The following HCN1 variants were observed in gnomAD, a reference collection of about 807,000 sequenced individuals.
HCN1 encodes hyperpolarization activated cyclic nucleotide gated potassium channel 1.
In HCN1, 13 loss-of-function variants were observed where a neutral mutation model predicts 78.9. The ratio of observed to expected loss-of-function variants is 0.16; its 90% CI spans 0.11 to 0.26. The LOEUF is 0.26. Among genes scored for constraint, HCN1 ranks in the 10% least tolerant of loss-of-function variants. HCN1 has a pLI of 1.00. For missense variants in HCN1, 810 were observed against 1,154.3 expected (o/e 0.70, Z 4.32); for synonymous variants, 552 against 455.5 (o/e 1.21, Z -2.70).
At chr5:45,424,611 ATAT>A (rs1740304360) in intron 3 of HCN1, among the ~76,000 whole-genome samples, 2 of 152,154 alleles carry the variant, frequency 1.3e-5, no homozygotes, top group African/African-American at 4.8e-5. Context: ...AAAATCACAA[ATAT>A]TATTAAATTA....
intron 2 of HCN1, among the ~76,000 whole-genome samples, chr5:45,472,633 G>A (rs1346776649): frequency 1.1e-5 from 1 of 88,464 alleles, no homozygotes; most frequent in Non-Finnish European, 2.2e-5. Context: ...GGAAAGGGGG[G>A]AGGGAGGGAG....
chr5:45,410,602 G>C (rs190180052), intron 3 of HCN1, among the ~76,000 whole-genome samples: 1 of 152,054 alleles, frequency 6.6e-6, no homozygotes, highest in East Asian at 1.9e-4. Flanking sequence ...CAGCAACAAC[G>C]CATGTTCCTC....
intron 6 of HCN1, among the ~76,000 whole-genome samples, chr5:45,295,626 G>T (rs1402787737): frequency 2.6e-5 from 4 of 152,000 alleles, no homozygotes; most frequent in Non-Finnish European, 5.9e-5. Flanking sequence ...AAACTTTTGA[G>T]TTTGATCTTT....
At chr5:45,277,792 C>T (rs976994636) in intron 6 of HCN1, among the ~76,000 whole-genome samples, 12 of 152,100 alleles carry the variant, frequency 7.9e-5, no homozygotes, top group East Asian at 3.9e-4. Flanking sequence ...AGAACTCTTT[C>T]GATGGGGATG....
At chr5:45,667,105 T>G (rs1201164426) in intron 1 of HCN1, among the ~76,000 whole-genome samples, 1 of 151,996 alleles carries the variant, frequency 6.6e-6, no homozygotes, top group Non-Finnish European at 1.5e-5. Flanking sequence ...GCCATGGAAC[T>G]CAGGCTGGGC....
intron 3 of HCN1, among the ~76,000 whole-genome samples, chr5:45,438,447 C>T (rs139535335): frequency 0.03 from 4,628 of 151,870 alleles, 275 homozygotes; most frequent in African/African-American, 0.1. Flanking sequence ...AAAAAATTAG[C>T]GGGCGTGGTG....
rs1443683701 is a variant in HCN1 at position 45,629,999 on chromosome 5, C to G, written c.849+15186G>C. 2.6e-5 allele frequency among the ~76,000 whole-genome samples: 4 copies of G among 152,132 alleles called. No individual in the cohort carries two copies. The East Asian group carries it at 5.9e-4, about 22-fold the overall frequency. On this transcript the variant is annotated intron_variant, in intron 2 of 7. Transcript: ENST00000303230. ...TAAAGATTAATTTATAGTTGATATA[C>G]CCCAGAGGCTGCTCTGAGGGAGTCC...
rs1054138130 is a variant in HCN1, at chr5:45,543,284, G to A, written c.850-81277C>T. On this transcript the variant is annotated intron_variant, in intron 2 of 7. Coordinates refer to ENST00000303230, the MANE Select transcript of HCN1 (RefSeq NM_021072.4). ...TTTCAGAATTAGGAAAATTAATTAC[G>A]ATCTATCTATAACATAGAAGGAGAT... is the stretch of plus-strand genomic sequence containing the variant. Among the ~76,000 whole-genome samples, 7 of 151,640 alleles carry A rather than the reference G, an allele frequency of 4.6e-5. No individual in the cohort carries two copies. In the East Asian group the frequency reaches 9.7e-4, roughly 21 times the overall value.
chr5:45,400,324 T>G (rs939773917), intron 3 of HCN1, among the ~76,000 whole-genome samples: 4 of 151,498 alleles, frequency 2.6e-5, no homozygotes, highest in African/African-American at 9.7e-5. Flanking sequence ...TTTATTTCAC[T>G]AGAGACACAA....
chr5:45,389,409 C>G (rs1747994486), intron 4 of HCN1, among the ~76,000 whole-genome samples: 1 of 152,264 alleles, frequency 6.6e-6, no homozygotes, highest in African/African-American at 2.4e-5. Flanking sequence ...TACATTTCCA[C>G]TCATAGCATT....
At position 45,645,532 on chromosome 5, in the gene HCN1, T is replaced by C; in HGVS notation, c.502A>G (p.Thr168Ala). Residue 168 changes from threonine to alanine, a missense_variant, in exon 2 of 8, where the codon ACA (threonine) becomes GCA (alanine). Coordinates refer to ENST00000303230, the MANE Select transcript of HCN1 (RefSeq NM_021072.4). The part of the protein sequence containing the change: ...VIIPVGITFF[T>A]EQTTTPWIIF... The stretch of plus-strand genomic sequence containing the variant: ...ATCCATGGTGTTGTTGTTTGCTCTG[T>C]AAAGAATGTGATTCCAACTGGTATG... 1 of 1,612,116 alleles carries C rather than the reference T, an allele frequency of 6.2e-7. No individual in the cohort carries two copies. The highest frequency in any genetic ancestry group is 1.1e-5 in the South Asian group (1 of 91,016).
At chr5:45,554,932 T>C (rs1743442001) in intron 2 of HCN1, among the ~76,000 whole-genome samples, 1 of 151,890 alleles carries the variant, frequency 6.6e-6, no homozygotes, top group Non-Finnish European at 1.5e-5. Context: ...GCATAAAATG[T>C]AAATAAGAGA....
intron 6 of HCN1, among the ~76,000 whole-genome samples, chr5:45,279,281 T>A (rs1745117307): frequency 6.6e-6 from 1 of 152,060 alleles, no homozygotes; most frequent in Admixed American, 6.6e-5. Context: ...CACCAGGAAA[T>A]CCTCCCACCA....
At chr5:45,684,928 G>A (rs1160786162) in intron 1 of HCN1, among the ~76,000 whole-genome samples, 1 of 152,102 alleles carries the variant, frequency 6.6e-6, no homozygotes, top group Non-Finnish European at 1.5e-5. Context: ...CTCTGCTCAT[G>A]TTCCTCAAAC....
chr5:45,463,989 G>A (rs1741218732), intron 2 of HCN1, among the ~76,000 whole-genome samples: 1 of 152,062 alleles, frequency 6.6e-6, no homozygotes. Flanking sequence ...TAAGTATACA[G>A]GCAGTGGCCA....
At chr5:45,530,648 T>C (rs1442830155) in intron 2 of HCN1, among the ~76,000 whole-genome samples, 3 of 152,076 alleles carry the variant, frequency 2.0e-5, no homozygotes, top group African/African-American at 7.2e-5. Context: ...TAAAGAATAC[T>C]CTTCATGCTC....
intron 2 of HCN1, among the ~76,000 whole-genome samples, chr5:45,498,171 T>G (rs990649125): frequency 4.6e-5 from 7 of 152,226 alleles, no homozygotes; most frequent in African/African-American, 1.7e-4. Context: ...GATAATGTCC[T>G]GCAGAGTGTT....
At chr5:45,684,588 C>T (rs1486702253) in intron 1 of HCN1, among the ~76,000 whole-genome samples, 1 of 152,156 alleles carries the variant, frequency 6.6e-6, no homozygotes, top group Non-Finnish European at 1.5e-5. Flanking sequence ...AGGCCAGGCA[C>T]GGTGGCTCAC....
intron 3 of HCN1, among the ~76,000 whole-genome samples, chr5:45,427,617 G>A (rs1345503865): frequency 6.6e-6 from 1 of 151,832 alleles, no homozygotes; most frequent in African/African-American, 2.4e-5. Context: ...TAATTTTTGG[G>A]GAAAAGTTAT....
Sources: allele counts gnomAD v4.1 joint callset (sites outside exome capture counted in the v4.1 genomes callset), GRCh38; gene constraint gnomAD v4.1.1; transcripts MANE v1.5; gene names NCBI Gene and HGNC (gene_info 2026-07-23, HGNC 2026-07-21).